ASTN2: variants seen among roughly 807,000 people sequenced by gnomAD.
The protein encoded by ASTN2 is astrotactin 2.
ASTN2 carries 54 observed loss-of-function variants against 139.8 expected under a neutral mutation model. That is an observed-to-expected ratio of 0.39 (90% CI 0.31 to 0.48). The LOEUF (loss-of-function observed/expected upper bound fraction) is 0.48, where lower values mean the gene tolerates loss of function less well. Ranked by LOEUF, ASTN2 falls within the 20% of genes least tolerant of loss-of-function variation. The pLI is 0.95. For missense variants in ASTN2, 1,565 were observed against 1,725.1 expected (o/e 0.91, Z 1.64); for synonymous variants, 756 against 719.5 (o/e 1.05, Z -0.81).
At chr9:117,071,711 T>C (rs1828134587) in intron 5 of ASTN2, among the ~76,000 whole-genome samples, 1 of 149,140 alleles carries the variant, frequency 6.7e-6, no homozygotes, top group East Asian at 2.0e-4. Flanking sequence ...TATAGTCTCA[T>C]GGTGCGCCGT....
chr9:116,798,728 A>T (rs970795440), intron 13 of ASTN2, among the ~76,000 whole-genome samples: 3 of 152,236 alleles, frequency 2.0e-5, no homozygotes, highest in Non-Finnish European at 2.9e-5. Context: ...GAAAGTTATG[A>T]TAGCCAAGTT....
Position 117,043,907 on chromosome 9 carries a change from C to CAAA in ASTN2, c.1277-3945_1277-3943dup, listed in dbSNP as rs10713427. Reference sequence around the variant, plus strand: ...TGGGCCACAGAGCAAGACTCTGTCTCAAAAAAAAAAAAAAAAGAAAAGAAA... The same window carrying CAAA: ...TGGGCCACAGAGCAAGACTCTGTCTCAAAAAAAAAAAAAAAAAAAGAAAAGAAA... On this transcript the variant is annotated intron_variant, in intron 5 of 22. Transcript: ENST00000313400. Among the ~76,000 whole-genome samples the CAAA allele has an allele frequency of 9.3e-3, 1,113 of 119,246 alleles. 11 individuals carry two copies. Among genetic ancestry groups the CAAA allele is most frequent in the South Asian group, 0.03 (103 of 3,406 alleles). 78.2% of individuals were successfully genotyped at this position (119,246 alleles called of 152,430 possible).
At chr9:116,627,348 C>T (rs1171221405) in intron 17 of ASTN2, among the ~76,000 whole-genome samples, 2 of 152,086 alleles carry the variant, frequency 1.3e-5, no homozygotes, top group Non-Finnish European at 2.9e-5. Flanking sequence ...TTCATTGGCA[C>T]GGATTCTTGG....
At chr9:116,959,406 G>A (rs1237802868) in intron 10 of ASTN2, among the ~76,000 whole-genome samples, 1 of 152,162 alleles carries the variant, frequency 6.6e-6, no homozygotes. Flanking sequence ...AGGGCTATGA[G>A]TGTCACACTG....
Position 117,200,996 on chromosome 9 carries a change from CT to C in ASTN2, c.1015+13361del, listed in dbSNP as rs777675838. On this transcript the variant is annotated intron_variant, in intron 3 of 22. Transcript: ENST00000313400. ...AGCTATGAAACCATCTGGTCCTGGG[CT>C]TTTTTTTTTTTTTTTTTTGGTTGGT... Among the ~76,000 whole-genome samples the C allele has an allele frequency of 8.6e-3, 821 of 94,944 alleles. 3 individuals are homozygous for C. Among genetic ancestry groups the C allele is most frequent in the African/African-American group, 0.023 (535 of 23,736 alleles). The allele number at this position is 94,944 out of a possible 152,430, so 62.3% of individuals were successfully genotyped here. A position where few individuals can be genotyped will look rare whatever the true frequency, so the allele number is the denominator to read the frequency against.
chr9:116,456,903 G>C (rs987533226), intron 20 of ASTN2, among the ~76,000 whole-genome samples: 4 of 152,090 alleles, frequency 2.6e-5, no homozygotes, highest in Admixed American at 2.6e-4. Flanking sequence ...AAGCTATCCT[G>C]AGCAGAGAGA....
intron 19 of ASTN2, among the ~76,000 whole-genome samples, chr9:116,502,159 A>G (rs1380915611): frequency 1.5e-5 from 2 of 134,026 alleles, no homozygotes; most frequent in Admixed American, 8.0e-5. Flanking sequence ...GTGTGTGTGT[A>G]TGTGTATGCA....
intron 2 of ASTN2, among the ~76,000 whole-genome samples, chr9:117,226,449 G>T (rs1006921030): frequency 6.6e-6 from 1 of 152,178 alleles, no homozygotes; most frequent in African/African-American, 2.4e-5. Context: ...TACAGTCAAT[G>T]CTCAACAAAA....
chr9:116,609,040 T>C (rs888869898), intron 19 of ASTN2, among the ~76,000 whole-genome samples: 1 of 152,028 alleles, frequency 6.6e-6, no homozygotes. Context: ...CAAAATGGAA[T>C]ACAGAGATAA....
At chr9:116,640,854 C>T (rs1210100401) in intron 17 of ASTN2, among the ~76,000 whole-genome samples, 1 of 152,074 alleles carries the variant, frequency 6.6e-6, no homozygotes, top group Non-Finnish European at 1.5e-5. Context: ...AGACAGGAGA[C>T]TATTGAAATA....
intron 2 of ASTN2, among the ~76,000 whole-genome samples, chr9:117,232,498 C>T (rs1260789307): frequency 2.0e-5 from 3 of 152,230 alleles, no homozygotes; most frequent in Admixed American, 6.5e-5. Context: ...AACAGATTCC[C>T]ATGTGAGAGG....
chr9:116,670,206 A>C (rs1169489921), intron 16 of ASTN2, among the ~76,000 whole-genome samples: 1 of 152,250 alleles, frequency 6.6e-6, no homozygotes, highest in South Asian at 2.1e-4. Context: ...ACTGAGATTT[A>C]AGGGTTTATT....
intron 4 of ASTN2, among the ~76,000 whole-genome samples, chr9:117,104,378 T>TA (rs1012026686): frequency 6.6e-5 from 10 of 152,016 alleles, no homozygotes; most frequent in African/African-American, 2.4e-4. Flanking sequence ...TACTTTTGGG[T>TA]AAAAAAATAT....
chr9:116,624,648 C>T (rs73655449), intron 17 of ASTN2, among the ~76,000 whole-genome samples: 2,483 of 152,276 alleles, frequency 0.016, 69 homozygotes, highest in African/African-American at 0.056. Flanking sequence ...CTCTATACTT[C>T]AAATGACTGT....
At chr9:116,754,045 A>C (rs1829473131) in intron 13 of ASTN2, among the ~76,000 whole-genome samples, 1 of 145,212 alleles carries the variant, frequency 6.9e-6, no homozygotes, top group Non-Finnish European at 1.5e-5. Context: ...CCCACTTATA[A>C]GTGAGAACAC....
chr9:116,887,245 C>T (rs1217095623), intron 10 of ASTN2, among the ~76,000 whole-genome samples: 1 of 151,934 alleles, frequency 6.6e-6, no homozygotes, highest in African/African-American at 2.4e-5. Context: ...GGGAGACAGA[C>T]ATAAACACAC....
intron 20 of ASTN2, among the ~76,000 whole-genome samples, chr9:116,463,758 C>T (rs1306156085): frequency 6.6e-6 from 1 of 152,100 alleles, no homozygotes. Context: ...CTATCTTCTC[C>T]ACTACGCTGT....
chr9:117,234,888 C>T (rs771364907), intron 2 of ASTN2, among the ~76,000 whole-genome samples: 7 of 152,112 alleles, frequency 4.6e-5, no homozygotes, highest in Non-Finnish European at 7.4e-5. Context: ...CATATATCAG[C>T]GATTTCAAGG....
intron 2 of ASTN2, among the ~76,000 whole-genome samples, chr9:117,250,974 C>T (rs1433941318): frequency 6.6e-6 from 1 of 152,168 alleles, no homozygotes; most frequent in East Asian, 1.9e-4. Context: ...TGGAACAAGG[C>T]TGCAAGTAGT....
Sources: gnomAD v4.1 joint callset for allele counts (sites outside exome capture counted in the v4.1 genomes callset) on GRCh38, gnomAD v4.1.1 for gene constraint, MANE v1.5 for transcripts, NCBI Gene and HGNC (gene_info 2026-07-23, HGNC 2026-07-21) for gene names.